Variants in SLC25A16 observed in about 807,000 individuals in gnomAD.
SLC25A16 encodes mitochondrial coenzyme A transporter SLC25A16.
A neutral mutation model predicts 41.5 loss-of-function variants in SLC25A16; 39 were observed. The observed-to-expected ratio is 0.94, with a 90% CI of 0.73 to 1.23. The LOEUF is 1.23. SLC25A16 is among the 50% of genes most tolerant of loss of function. The pLI, the probability that SLC25A16 is intolerant of heterozygous loss-of-function variation, is 0.00. For missense variants in SLC25A16, 421 were observed against 426.9 expected (o/e 0.99, Z 0.12); for synonymous variants, 146 against 147.8 (o/e 0.99, Z 0.09).
intron 4 of SLC25A16, among the ~76,000 whole-genome samples, chr10:68,497,693 T>C (rs2052773460): frequency 6.6e-6 from 1 of 151,634 alleles, no homozygotes; most frequent in Admixed American, 6.6e-5. Flanking sequence ...CTCAGCTCAT[T>C]GAAACCTCCG....
Position 68,516,814 on chromosome 10 carries a change from CT to C in SLC25A16, c.159del (p.Val54LeufsTer7), listed in dbSNP as rs1189565670. 1 of 1,613,238 alleles carries C rather than the reference CT, an allele frequency of 6.2e-7. No homozygotes were observed. Among genetic ancestry groups the C allele is most frequent in the African/African-American group, 1.3e-5 (1 of 74,894 alleles). On this transcript the variant is annotated frameshift_variant, in exon 2 of 9. Coordinates refer to ENST00000609923, the MANE Select transcript of SLC25A16 (RefSeq NM_152707.4). LOFTEE classifies it high-confidence loss of function. ...GGIAGCCAKT[T>X]VAPLDRVKVL... is the part of the protein sequence containing the mutation. Reference sequence around the variant, plus strand: ...ACCTTTACTCGATCCAATGGAGCAACTGTTGTTTTGGCACAGCATCCAGCAA... The same window carrying C: ...ACCTTTACTCGATCCAATGGAGCAACGTTGTTTTGGCACAGCATCCAGCAA...
intron 2 of SLC25A16, among the ~76,000 whole-genome samples, chr10:68,514,492 T>C (rs1316746429): frequency 4.6e-5 from 7 of 152,152 alleles, no homozygotes; most frequent in African/African-American, 1.4e-4. Context: ...TGAAACTCCA[T>C]CTCAAAAAAT....
At chr10:68,502,166 ATCGTGCCAC>A (rs1231538735) in intron 4 of SLC25A16, among the ~76,000 whole-genome samples, 3 of 152,226 alleles carry the variant, frequency 2.0e-5, no homozygotes, top group Middle Eastern at 3.4e-3. Context: ...GTGAGCTGAG[ATCGTGCCAC>A]TGCACTCCAG....
At position 68,478,891 on chromosome 10, in the gene SLC25A16, G is replaced by A. The variant is rs2052455449; in HGVS notation, c.*4541C>T. On this transcript the variant is annotated 3_prime_UTR_variant, in exon 9 of 9. Transcript: ENST00000609923. ...TCCTACCTCAGCCTCCCAAGTAGCT[G>A]GGACTACAGGCGCCCACCACCATGC... 6.6e-6 allele frequency: 1 copy of A among 152,102 alleles called. No individual in the cohort carries two copies. Among genetic ancestry groups the A allele is most frequent in the East Asian group, 1.9e-4 (1 of 5,164 alleles). 9.4% of individuals were successfully genotyped at this position (152,102 alleles called of 1,614,324 possible). A position where few individuals can be genotyped will look rare whatever the true frequency, so the allele number is the denominator to read the frequency against.
chr10:68,527,270 A>G lies in SLC25A16; in HGVS notation c.106T>C (p.Trp36Arg). Residue 36 changes from tryptophan (W) to arginine (R), a missense_variant, in exon 1 of 9, where the codon TGG (tryptophan) becomes CGG (arginine). Trp to Arg is a moderately radical substitution (Grantham distance 101). Transcript: ENST00000609923. Reference sequence around the variant, plus strand: ...CCTCCGGCCAGAAAGGAGCGCAGCCAGTAGAAGTCTCTGCGGGTTGTGGGC... The same window carrying G: ...CCTCCGGCCAGAAAGGAGCGCAGCCGGTAGAAGTCTCTGCGGGTTGTGGGC... ...GGPTTRRDFY[W>R]LRSFLAGGIA... 6.5e-7 allele frequency: 1 copy of G among 1,548,480 alleles called. No homozygotes were observed. Among genetic ancestry groups the G allele is most frequent in the Non-Finnish European group, 8.7e-7 (1 of 1,145,872 alleles).
Position 68,479,140 on chromosome 10 carries a change from A to G in SLC25A16, c.*4292T>C, listed in dbSNP as rs1323533938. ...AGCAAACCAAATGACTTTATTCCTA[A>G]ATTGTTTATTTCTTGAACTATTTGT... On this transcript the variant is annotated 3_prime_UTR_variant, in exon 9 of 9. Coordinates refer to ENST00000609923, the MANE Select transcript of SLC25A16 (RefSeq NM_152707.4). 6.6e-6 allele frequency: 1 copy of G among 152,154 alleles called. No homozygotes were observed. The highest frequency in any genetic ancestry group is 1.5e-5 in the Non-Finnish European group (1 of 68,040). 9.4% of individuals were successfully genotyped at this position (152,154 alleles called of 1,614,324 possible).
intron 2 of SLC25A16, among the ~76,000 whole-genome samples, chr10:68,509,727 CTATCTATATATA>C (rs1554919942): frequency 2.9e-5 from 4 of 140,074 alleles, no homozygotes; most frequent in South Asian, 2.3e-4. Flanking sequence ...ATATATCTAT[CTATCTATATATA>C]TATCTATATA....
chr10:68,501,270 C>T (rs1214486299), intron 4 of SLC25A16, among the ~76,000 whole-genome samples: 1 of 151,704 alleles, frequency 6.6e-6, no homozygotes, highest in Non-Finnish European at 1.5e-5. Context: ...AAGTGATATA[C>T]AAAATAACAC....
At chr10:68,526,110 T>G (rs1168458947) in intron 1 of SLC25A16, among the ~76,000 whole-genome samples, 1 of 151,652 alleles carries the variant, frequency 6.6e-6, no homozygotes, top group East Asian at 1.9e-4. Context: ...CTGAGGAGGA[T>G]TAGTATAAGA....
chr10:68,495,791 A>AAAC (rs1325808866), intron 4 of SLC25A16, among the ~76,000 whole-genome samples: 1 of 151,516 alleles, frequency 6.6e-6, no homozygotes, highest in Non-Finnish European at 1.5e-5. Flanking sequence ...CAAAAAAAAA[A>AAAC]AAAAAAAAAA....
chr10:68,498,601 G>T (rs528877947), intron 4 of SLC25A16, among the ~76,000 whole-genome samples: 1 of 152,124 alleles, frequency 6.6e-6, no homozygotes, highest in East Asian at 1.9e-4. Flanking sequence ...GAGGCTGAGC[G>T]GGGAGGACTG....
intron 4 of SLC25A16, among the ~76,000 whole-genome samples, chr10:68,500,353 G>A (rs1227266813): frequency 1.3e-5 from 2 of 152,076 alleles, no homozygotes; most frequent in East Asian, 1.9e-4. Context: ...TGTTGCCAAC[G>A]CTGGAGTGTA....
intron 1 of SLC25A16, among the ~76,000 whole-genome samples, chr10:68,525,603 G>A (rs1490982109): frequency 1.3e-5 from 2 of 152,098 alleles, no homozygotes; most frequent in African/African-American, 4.8e-5. Flanking sequence ...ACAGTAGTGA[G>A]CCACTGCACA....
intron 2 of SLC25A16, among the ~76,000 whole-genome samples, chr10:68,510,038 C>T (rs113628750): frequency 0.013 from 1,968 of 151,552 alleles, 49 homozygotes; most frequent in African/African-American, 0.045. Context: ...GATCGCGCCA[C>T]TGCACTCTAG....
chr10:68,524,534 G>A (rs531507861), intron 1 of SLC25A16, among the ~76,000 whole-genome samples: 105 of 148,896 alleles, frequency 7.1e-4, no homozygotes, highest in African/African-American at 2.4e-3. Context: ...GTAAGACACC[G>A]TCTCAAAAAT....
At chr10:68,520,900 T>A (rs536556530) in intron 1 of SLC25A16, among the ~76,000 whole-genome samples, 1 of 151,428 alleles carries the variant, frequency 6.6e-6, no homozygotes, top group African/African-American at 2.4e-5. Flanking sequence ...TTTTGGGACG[T>A]TGAGGCGGGC....
At chr10:68,497,091 C>T (rs2052760660) in intron 4 of SLC25A16, among the ~76,000 whole-genome samples, 1 of 152,126 alleles carries the variant, frequency 6.6e-6, no homozygotes, top group Non-Finnish European at 1.5e-5. Context: ...TTTACAGACC[C>T]TCATCAATTC....
chr10:68,501,382 T>C (rs921802568), intron 4 of SLC25A16, among the ~76,000 whole-genome samples: 2 of 151,878 alleles, frequency 1.3e-5, no homozygotes, highest in Admixed American at 1.3e-4. Flanking sequence ...ATGTCGAGTG[T>C]CCAAATATTA....
intron 6 of SLC25A16, among the ~76,000 whole-genome samples, chr10:68,491,731 G>C (rs749654964): frequency 6.6e-6 from 1 of 152,166 alleles, no homozygotes; most frequent in Non-Finnish European, 1.5e-5. Context: ...GGAGAAAGAA[G>C]TGACAGCCAC....
Sources: allele counts gnomAD v4.1 joint callset (sites outside exome capture counted in the v4.1 genomes callset), GRCh38; gene constraint gnomAD v4.1.1; transcripts MANE v1.5; gene names NCBI Gene and HGNC (gene_info 2026-07-23, HGNC 2026-07-21).